Variants in MTMR8 observed in about 807,000 individuals in gnomAD.
MTMR8 encodes the protein phosphatidylinositol-3,5-bisphosphate 3-phosphatase MTMR8.
A neutral mutation model predicts 39.3 loss-of-function variants in MTMR8; 65 were observed. The observed-to-expected ratio is 1.65, with a 90% CI of 1.35 to 2.03. The LOEUF (loss-of-function observed/expected upper bound fraction) is 2.03. MTMR8 is among the 30% of genes most tolerant of loss of function. MTMR8 has a pLI of 0.00. For synonymous variants in MTMR8, 245 were observed against 185.2 expected (o/e 1.32, Z -2.62); for missense variants, 777 against 538.9 (o/e 1.44, Z -4.37).
intron 12 of MTMR8, among the ~76,000 whole-genome samples, chrX:64,298,638 G>A (rs1043334830): frequency 5.2e-5 from 5 of 95,327 alleles, no homozygotes; most frequent in Non-Finnish European, 9.5e-5. Flanking sequence ...GGTGAGAGAG[G>A]GCATCCCTGT....
At chrX:64,342,267 G>T (rs188009171) in intron 8 of MTMR8, among the ~76,000 whole-genome samples, 1 of 112,657 alleles carries the variant, frequency 8.9e-6, no homozygotes, top group Non-Finnish European at 1.9e-5. Context: ...GTGGAGACTG[G>T]GAAGAAAGGA....
intron 12 of MTMR8, among the ~76,000 whole-genome samples, chrX:64,296,573 GTTT>G (rs59765267): frequency 9.8e-4 from 89 of 90,928 alleles, no homozygotes; most frequent in African/African-American, 3.5e-3. Context: ...CCCTATGCTG[GTTT>G]TTTTTTTTTT....
At chrX:64,299,713 A>G (rs1227132586) in intron 12 of MTMR8, among the ~76,000 whole-genome samples, 40 of 99,678 alleles carry the variant, frequency 4.0e-4, no homozygotes, top group Non-Finnish European at 7.9e-4. Context: ...TCTTGTGGGC[A>G]TTTCGTGCTA....
chrX:64,347,297 T>G (rs1257364540), intron 6 of MTMR8, among the ~76,000 whole-genome samples: 1 of 111,802 alleles, frequency 8.9e-6, no homozygotes, highest in Non-Finnish European at 1.9e-5. Flanking sequence ...CCAACTCTTT[T>G]GTTTCTTCAA....
chrX:64,298,004 G>C (rs1364560507), intron 12 of MTMR8, among the ~76,000 whole-genome samples: 1 of 86,466 alleles, frequency 1.2e-5, no homozygotes, highest in African/African-American at 4.3e-5. Context: ...ATAGTTTGAA[G>C]TCAGGTAGTG....
chrX:64,317,015 G>C (rs949228510), intron 12 of MTMR8, among the ~76,000 whole-genome samples: 2 of 108,475 alleles, frequency 1.8e-5, no homozygotes, highest in South Asian at 8.3e-4. Context: ...GGGAGGCTGA[G>C]GTGGGAGGAT....
intron 12 of MTMR8, among the ~76,000 whole-genome samples, chrX:64,297,286 G>A (rs765241603): frequency 9.2e-6 from 1 of 109,013 alleles, no homozygotes; most frequent in African/African-American, 3.3e-5. Flanking sequence ...ACTGGTGTGA[G>A]ATAGTATCTC....
chrX:64,363,715 T>A (rs1468808201), intron 1 of MTMR8, among the ~76,000 whole-genome samples: 1 of 111,688 alleles, frequency 9.0e-6, no homozygotes, highest in Non-Finnish European at 1.9e-5. Flanking sequence ...CTGAGGTACC[T>A]GGTTCATCTA....
chrX:64,328,955 A>C, intron 11 of MTMR8, 55 bp from the exon 12 acceptor site: 95 of 1,109,450 alleles, frequency 8.6e-5, no homozygotes, highest in Non-Finnish European at 1.0e-4. Context: ...AAGTAATCTC[A>C]ATAGTCCTGT....
intron 12 of MTMR8, chrX:64,306,319 A>C: frequency 3.3e-6 from 1 of 298,716 alleles, no homozygotes; most frequent in South Asian, 4.1e-5. Context: ...GAGGTTCTAG[A>C]TGCAGTGTTT....
At chrX:64,321,428 C>T (rs959280450) in intron 12 of MTMR8, among the ~76,000 whole-genome samples, 1 of 111,510 alleles carries the variant, frequency 9.0e-6, no homozygotes, top group Non-Finnish European at 1.9e-5. Context: ...ATGAAAAGTA[C>T]AATAATTGAA....
chrX:64,292,256 A>T (rs1419526511), intron 12 of MTMR8, among the ~76,000 whole-genome samples: 1 of 111,891 alleles, frequency 8.9e-6, no homozygotes, highest in African/African-American at 3.2e-5. Context: ...AGATACTCTC[A>T]TTCTAGTCCT....
chrX:64,345,497 C>T (rs1336547312), intron 6 of MTMR8, among the ~76,000 whole-genome samples: 1 of 112,186 alleles, frequency 8.9e-6, no homozygotes, highest in African/African-American at 3.2e-5. Flanking sequence ...GAGCTGCCTA[C>T]CACAAATGTT....
At chrX:64,373,715 A>G (rs1924187014) in intron 1 of MTMR8, among the ~76,000 whole-genome samples, 1 of 110,427 alleles carries the variant, frequency 9.1e-6, no homozygotes, top group Non-Finnish European at 1.9e-5. Context: ...CTAAAAGAGG[A>G]AAGGTAACAA....
chrX:64,284,108 C>T (rs935065219), intron 12 of MTMR8, among the ~76,000 whole-genome samples: 2 of 111,562 alleles, frequency 1.8e-5, no homozygotes, highest in African/African-American at 6.5e-5. Flanking sequence ...ACTAGAATAA[C>T]CAATGCAGAG....
chrX:64,387,852 G>A (rs893490097), intron 1 of MTMR8, among the ~76,000 whole-genome samples: 3 of 109,499 alleles, frequency 2.7e-5, no homozygotes, highest in African/African-American at 1.0e-4. Context: ...TAAAGAGAAG[G>A]AGACAGAGAA....
At chrX:64,331,900 T>C (rs1569222317) in intron 10 of MTMR8, 143 bp from the exon 11 acceptor site, 2 of 480,395 alleles carry the variant, frequency 4.2e-6, no homozygotes, top group East Asian at 3.7e-5. Flanking sequence ...AGCCAGAATC[T>C]CAAAGCTAGT....
rs184390580 is a variant in MTMR8, at chrX:64,368,467, C to T, written c.25-8940G>A. 1.4e-3 allele frequency among the ~76,000 whole-genome samples: 159 copies of T among 111,480 alleles called. 2 individuals carry two copies. Among genetic ancestry groups the T allele is most frequent in the Middle Eastern group, 4.6e-3 (1 of 217 alleles). On this transcript the variant is annotated intron_variant, in intron 1 of 13. Coordinates refer to ENST00000374852, the MANE Select transcript of MTMR8 (RefSeq NM_017677.4). The stretch of plus-strand genomic sequence containing the variant: ...AGGAATAACACCACACATCTAGAAC[C>T]ATCTGATCTTTGACAAACCTGACAA...
chrX:64,307,273 T>G (rs1166067003), intron 12 of MTMR8, among the ~76,000 whole-genome samples: 1 of 112,218 alleles, frequency 8.9e-6, no homozygotes, highest in Non-Finnish European at 1.9e-5. Flanking sequence ...CAACTTTTCC[T>G]GTTATGAATC....
Sources: allele counts gnomAD v4.1 joint callset (sites outside exome capture counted in the v4.1 genomes callset), GRCh38; gene constraint gnomAD v4.1.1; transcripts MANE v1.5; gene names NCBI Gene and HGNC (gene_info 2026-07-23, HGNC 2026-07-21).